The following CNTNAP2 variants were observed in gnomAD, a reference collection of about 807,000 sequenced individuals.
The protein encoded by CNTNAP2 is contactin-associated protein-like 2.
In CNTNAP2, 98 loss-of-function variants were observed where a neutral mutation model predicts 155.2. That is an observed-to-expected ratio of 0.63 (90% confidence interval 0.54 to 0.75). CNTNAP2 has a LOEUF of 0.75. Among genes scored for constraint, CNTNAP2 ranks in the 30% least tolerant of loss-of-function variants. The pLI is 0.00. For synonymous variants in CNTNAP2, 651 were observed against 631.2 expected (o/e 1.03, Z -0.47); for missense variants, 1,727 against 1,688.1 (o/e 1.02, Z -0.40).
In CNTNAP2 at chr7:146,728,181, G is replaced by A. The variant is rs548371892; in HGVS notation, c.98-46090G>A. Among the ~76,000 whole-genome samples, 33 of 152,148 alleles carry A rather than the reference G, an allele frequency of 2.2e-4. No individual in the cohort carries two copies. The South Asian group carries it at 6.7e-3, about 31-fold the overall frequency. On this transcript the variant is annotated intron_variant, in intron 1 of 23. Coordinates refer to ENST00000361727, the MANE Select transcript of CNTNAP2 (RefSeq NM_014141.6). ...CAAGATGAATACGATTTAGTTGTGT[G>A]GCGTGATGTTTCAGGTAAAGCGTTC...
chr7:147,471,963 T>C (rs1196550706), intron 10 of CNTNAP2, among the ~76,000 whole-genome samples: 1 of 152,088 alleles, frequency 6.6e-6, no homozygotes, highest in Non-Finnish European at 1.5e-5. Context: ...ACAGATCTTT[T>C]TGTAAAGATT....
intron 11 of CNTNAP2, among the ~76,000 whole-genome samples, chr7:147,549,316 C>T (rs149855971): frequency 2.0e-5 from 3 of 152,218 alleles, no homozygotes; most frequent in Non-Finnish European, 2.9e-5. Flanking sequence ...AGGTCCTTCA[C>T]GTCCCTTGTA....
rs138089243 is a variant in CNTNAP2, at chr7:146,127,397, A to G, written c.97+10424A>G. 4.2e-3 allele frequency among the ~76,000 whole-genome samples: 640 copies of G among 152,290 alleles called. 3 individuals are homozygous for G. Among genetic ancestry groups the G allele is most frequent in the Non-Finnish European group, 7.3e-3 (494 of 68,006 alleles). On this transcript the variant is annotated intron_variant, in intron 1 of 23. Coordinates refer to ENST00000361727, the MANE Select transcript of CNTNAP2 (RefSeq NM_014141.6). ...AACACAGTGATCACAAATAATGAAAACCACCTCCAATTATCTGATATTAAA... is the reference window on the plus strand; with the variant it reads ...AACACAGTGATCACAAATAATGAAAGCCACCTCCAATTATCTGATATTAAA...
intron 9 of CNTNAP2, among the ~76,000 whole-genome samples, chr7:147,314,515 C>T (rs1007609796): frequency 1.3e-5 from 2 of 151,048 alleles, no homozygotes; most frequent in Non-Finnish European, 3.0e-5. Flanking sequence ...GAAGAGAGAC[C>T]TTCTCTGTTT....
intron 18 of CNTNAP2, among the ~76,000 whole-genome samples, chr7:148,177,075 A>C (rs900081362): frequency 6.6e-6 from 1 of 152,216 alleles, no homozygotes; most frequent in East Asian, 1.9e-4. Context: ...GTGTTTAAGC[A>C]AGAGAGAAAA....
intron 8 of CNTNAP2, among the ~76,000 whole-genome samples, chr7:147,230,918 A>G (rs1031413068): frequency 2.6e-5 from 4 of 152,188 alleles, no homozygotes; most frequent in Non-Finnish European, 5.9e-5. Flanking sequence ...ACTACCTGAG[A>G]CTGGGTAATT....
At chr7:147,727,780 G>C (rs1023240213) in intron 13 of CNTNAP2, among the ~76,000 whole-genome samples, 1 of 144,548 alleles carries the variant, frequency 6.9e-6, no homozygotes, top group African/African-American at 2.6e-5. Flanking sequence ...TCACTGCACT[G>C]GAGTTTTCTT....
At chr7:147,628,569 A>T (rs974537590) in intron 12 of CNTNAP2, among the ~76,000 whole-genome samples, 2 of 152,204 alleles carry the variant, frequency 1.3e-5, no homozygotes, top group Admixed American at 1.3e-4. Flanking sequence ...ATTAAAACAA[A>T]ACATAAGGTA....
At chr7:148,113,793 C>T (rs1005203554) in intron 15 of CNTNAP2, among the ~76,000 whole-genome samples, 10 of 152,212 alleles carry the variant, frequency 6.6e-5, no homozygotes, top group African/African-American at 2.2e-4. Flanking sequence ...GCTGCAGAGC[C>T]TTCAGTGTCA....
At chr7:147,954,630 A>G (rs1035536048) in intron 14 of CNTNAP2, among the ~76,000 whole-genome samples, 5 of 152,184 alleles carry the variant, frequency 3.3e-5, no homozygotes, top group African/African-American at 1.2e-4. Context: ...TTTTCAGCCA[A>G]TAATTGCTAT....
intron 13 of CNTNAP2, among the ~76,000 whole-genome samples, chr7:147,738,131 G>T (rs183060474): frequency 1.3e-5 from 2 of 152,286 alleles, no homozygotes; most frequent in African/African-American, 4.8e-5. Flanking sequence ...CTGTAGACTG[G>T]AGCTGTTCCT....
intron 12 of CNTNAP2, among the ~76,000 whole-genome samples, chr7:147,636,915 GAGA>G (rs958519660): frequency 5.9e-5 from 9 of 152,204 alleles, no homozygotes; most frequent in Non-Finnish European, 1.0e-4. Flanking sequence ...GGCACTGGAA[GAGA>G]AGAAGGAGTG....
At chr7:146,668,254 A>T (rs1800232880) in intron 1 of CNTNAP2, among the ~76,000 whole-genome samples, 1 of 152,098 alleles carries the variant, frequency 6.6e-6, no homozygotes, top group African/African-American at 2.4e-5. Flanking sequence ...AATTATATTG[A>T]TTTAATGTAT....
chr7:147,331,405 C>A (rs1795565393), intron 9 of CNTNAP2, among the ~76,000 whole-genome samples: 1 of 152,046 alleles, frequency 6.6e-6, no homozygotes, highest in Admixed American at 6.6e-5. Flanking sequence ...TTCAACATTC[C>A]TTATGTAAAC....
intron 10 of CNTNAP2, among the ~76,000 whole-genome samples, chr7:147,472,896 T>C (rs1295338789): frequency 1.3e-5 from 2 of 152,124 alleles, no homozygotes; most frequent in Non-Finnish European, 1.5e-5. Context: ...AGTGATTATA[T>C]CAAGAAGCAG....
intron 17 of CNTNAP2, 120 bp downstream of exon 17, chr7:148,147,829 A>G (rs536121623): frequency 2.0e-4 from 202 of 1,009,284 alleles, no homozygotes; most frequent in Middle Eastern, 1.9e-3. Context: ...CCAAAAGTAA[A>G]GGTGTTGGCC....
rs182096806 is a variant in CNTNAP2 at position 147,592,022 on chromosome 7, G to T, written c.1897+29765G>T. On this transcript the variant is annotated intron_variant, in intron 12 of 23. Transcript: ENST00000361727. ...ATCATTTTCACCATTGTCTGAGTTA[G>T]CTGTTCTTCCTCTGTCTCCCAGGTC... Among the ~76,000 whole-genome samples the T allele has an allele frequency of 1.8e-3, 275 of 152,240 alleles. 1 individual carries two copies. The highest frequency in any genetic ancestry group is 6.3e-3 in the African/African-American group (261 of 41,526).
intron 1 of CNTNAP2, among the ~76,000 whole-genome samples, chr7:146,705,652 G>A (rs1343149753): frequency 6.6e-6 from 1 of 152,100 alleles, no homozygotes; most frequent in Non-Finnish European, 1.5e-5. Context: ...AATCATGGCG[G>A]AAGACAAAGG....
chr7:146,384,257 C>T (rs1795430242), intron 1 of CNTNAP2, among the ~76,000 whole-genome samples: 1 of 152,094 alleles, frequency 6.6e-6, no homozygotes, highest in Admixed American at 6.5e-5. Context: ...CATTCTAAAC[C>T]CAATCATATT....
Sources: gnomAD v4.1 joint callset for allele counts (sites outside exome capture counted in the v4.1 genomes callset) on GRCh38, gnomAD v4.1.1 for gene constraint, MANE v1.5 for transcripts, NCBI Gene and HGNC (gene_info 2026-07-23, HGNC 2026-07-21) for gene names.